IMPACT: variants seen among roughly 807,000 people sequenced by gnomAD.
The protein encoded by IMPACT is protein IMPACT.
Under a neutral mutation model 47.5 loss-of-function variants are expected in IMPACT, and 35 were observed. That is an observed-to-expected ratio of 0.74 (90% confidence interval 0.56 to 0.98). The LOEUF (loss-of-function observed/expected upper bound fraction) is 0.98. Among genes scored for constraint, IMPACT ranks in the 50% least tolerant of loss-of-function variants. IMPACT has a pLI of 0.00. For synonymous variants in IMPACT, 118 were observed against 125.6 expected (o/e 0.94, Z 0.40); for missense variants, 373 against 394.8 (o/e 0.94, Z 0.47).
At position 24,432,581 on chromosome 18, in the gene IMPACT, A is replaced by G. The variant is rs1908785060; in HGVS notation, c.281+2197A>G. 2.0e-5 allele frequency among the ~76,000 whole-genome samples: 3 copies of G among 152,312 alleles called. No homozygotes were observed. In the South Asian group the frequency reaches 6.2e-4, roughly 32 times the overall value. ...TTCCGTCATCCTTGGCGGAAGTATA[A>G]GTATTTCATTAATTAAATGTTTTCT... On this transcript the variant is annotated intron_variant, in intron 4 of 10. Transcript: ENST00000284202.
chr18:24,437,983 C>T lies in IMPACT; in HGVS notation c.310C>T (p.Leu104=). The part of the protein sequence containing the change: ...IQNIGESILY[L]WVEKIRDVLI... ...GAATATCGGTGAAAGTATTCTTTAC[C>T]TGTGGGTGGAGAAAATAAGAGATGT... Residue 104 remains leucine, a synonymous_variant, in exon 5 of 11, where the codon CTG becomes TTG. Transcript: ENST00000284202. 1.3e-6 allele frequency: 2 copies of T among 1,577,962 alleles called. 1 individual carries two copies. The highest frequency in any genetic ancestry group is 2.3e-5 in the South Asian group (2 of 86,362).
chr18:24,443,642 C>A (rs1263228947), intron 7 of IMPACT, among the ~76,000 whole-genome samples: 1 of 152,164 alleles, frequency 6.6e-6, no homozygotes, highest in African/African-American at 2.4e-5. Flanking sequence ...GAAACTAAGT[C>A]CATTCCTCTG....
intron 4 of IMPACT, among the ~76,000 whole-genome samples, chr18:24,433,945 A>G (rs1317043677): frequency 1.3e-5 from 2 of 152,116 alleles, no homozygotes; most frequent in East Asian, 1.9e-4. Context: ...TGCTGGGATT[A>G]CAGGCGTGAG....
intron 4 of IMPACT, among the ~76,000 whole-genome samples, chr18:24,433,576 A>G (rs1908821106): frequency 6.8e-6 from 1 of 146,290 alleles, no homozygotes; most frequent in South Asian, 2.2e-4. Flanking sequence ...GCCTCAAGTG[A>G]TCCTCCTGCC....
intron 9 of IMPACT, 140 bp from the exon 10 acceptor site, chr18:24,449,679 C>T (rs1909329598): frequency 3.1e-6 from 2 of 655,182 alleles, no homozygotes; most frequent in Non-Finnish European, 2.7e-6. Flanking sequence ...AGTGCCTACT[C>T]ACTCATATGG....
In IMPACT at chr18:24,449,889, G is replaced by T. The variant is rs542157006; in HGVS notation, c.830G>T (p.Arg277Leu). ...WYGGILLGPD[R>L]FKHINNCARN... ...GGAGGGATTCTGCTAGGACCAGATCGCTTTAAACATATCAACAACTGTGCC... is the reference window on the plus strand; with the variant it reads ...GGAGGGATTCTGCTAGGACCAGATCTCTTTAAACATATCAACAACTGTGCC... Residue 277 changes from arginine (R) to leucine (L), a missense_variant, in exon 10 of 11, where the codon CGC becomes CTC. Physicochemically the swap from Arg to Leu is moderately radical, Grantham distance 102. Transcript: ENST00000284202. 1.2e-6 allele frequency: 2 copies of T among 1,613,222 alleles called. No individual in the cohort carries two copies. The highest frequency in any genetic ancestry group is 4.5e-5 in the East Asian group (2 of 44,872).
intron 6 of IMPACT, among the ~76,000 whole-genome samples, chr18:24,442,592 T>G (rs1340946944): frequency 6.6e-6 from 1 of 152,254 alleles, no homozygotes; most frequent in East Asian, 1.9e-4. Context: ...AGGCATTATA[T>G]TATAGCTACA....
At chr18:24,434,763 C>CA (rs1189196177) in intron 4 of IMPACT, among the ~76,000 whole-genome samples, 7,224 of 45,086 alleles carry the variant, frequency 0.16, 691 homozygotes, top group East Asian at 0.29. Flanking sequence ...AACTCTGTCT[C>CA]AAAAAAAAAA....
rs760989083 is a variant in IMPACT at position 24,449,901 on chromosome 18, T to C, written c.842T>C (p.Ile281Thr). ...ILLGPDRFKH[I>T]NNCARNILVE... ...CTAGGACCAGATCGCTTTAAACATATCAACAACTGTGCCAGAAACATACTA... is the reference window on the plus strand; with the variant it reads ...CTAGGACCAGATCGCTTTAAACATACCAACAACTGTGCCAGAAACATACTA... The change falls in exon 10 of 11, where the codon ATC (isoleucine) becomes ACC (threonine). Residue 281 changes from isoleucine to threonine, a missense_variant. Ile to Thr is a moderately conservative substitution (Grantham distance 89). Coordinates refer to ENST00000284202, the MANE Select transcript of IMPACT (RefSeq NM_018439.4). 1.9e-6 allele frequency: 3 copies of C among 1,613,950 alleles called. No homozygotes were observed. The highest frequency in any genetic ancestry group is 1.3e-5 in the African/African-American group (1 of 75,030).
chr18:24,435,119 G>A (rs1908891112), intron 4 of IMPACT, among the ~76,000 whole-genome samples: 1 of 151,658 alleles, frequency 6.6e-6, no homozygotes, highest in African/African-American at 2.4e-5. Flanking sequence ...GTTTATAGGT[G>A]TGCCACCACT....
Position 24,453,063 on chromosome 18 carries a change from G to C in IMPACT, c.*2216G>C, listed in dbSNP as rs1255482534. ...ATTACAGGTGTGAGCCACCATGCCTGGCCTGCTTTGACATATTTTATAGTG... is the reference window on the plus strand; with the variant it reads ...ATTACAGGTGTGAGCCACCATGCCTCGCCTGCTTTGACATATTTTATAGTG... On this transcript the variant is annotated 3_prime_UTR_variant, in exon 11 of 11. Coordinates refer to ENST00000284202, the MANE Select transcript of IMPACT (RefSeq NM_018439.4). 3 of 152,110 alleles carry C rather than the reference G, an allele frequency of 2.0e-5. No individual in the cohort carries two copies. The highest frequency in any genetic ancestry group is 4.4e-5 in the Non-Finnish European group (3 of 68,028). The allele number at this position is 152,110 out of a possible 1,614,324, so 9.4% of individuals were successfully genotyped here. A position where few individuals can be genotyped will look rare whatever the true frequency, so the allele number is the denominator to read the frequency against.
intron 1 of IMPACT, 52 bp from the exon 2 acceptor site, chr18:24,427,867 G>A (rs1908653081): frequency 1.3e-6 from 2 of 1,522,494 alleles, no homozygotes; most frequent in African/African-American, 1.4e-5. Context: ...AGTAAGAATA[G>A]GATTTTAAGA....
Position 24,451,062 on chromosome 18 carries a change from C to A in IMPACT, c.*215C>A. On this transcript the variant is annotated 3_prime_UTR_variant, in exon 11 of 11. Transcript: ENST00000284202. ...TGTGTTTCAGGCTTATTTGGGAGAA[C>A]TAATTTGAACTTAATCACCACTTCA... 2.8e-6 allele frequency: 1 copy of A among 363,252 alleles called. No individual in the cohort carries two copies. The allele number at this position is 363,252 out of a possible 1,614,324, so 22.5% of individuals were successfully genotyped here.
In IMPACT at chr18:24,443,066, T is replaced by C; in HGVS notation, c.508T>C (p.Leu170=). The C allele has an allele frequency of 6.3e-7, 1 of 1,583,136 alleles. No homozygotes were observed. The highest frequency in any genetic ancestry group is 8.6e-7 in the Non-Finnish European group (1 of 1,158,110). ...ETRTEVEVEE[L]PPIDHGIPIT... ...ATTTCTAGAAGTAGAAGTAGAAGAA[T>C]TACCTCCGATTGATCATGGCATTCC... is the stretch of plus-strand genomic sequence containing the variant. The change falls in exon 7 of 11, where the codon TTA becomes CTA. Residue 170 remains leucine, a synonymous_variant. Coordinates refer to ENST00000284202, the MANE Select transcript of IMPACT (RefSeq NM_018439.4).
At position 24,426,692 on chromosome 18, in the gene IMPACT, G is replaced by A. The variant is rs1026147323; in HGVS notation, c.-65G>A. 28 of 1,182,214 alleles carry A rather than the reference G, an allele frequency of 2.4e-5. 1 individual carries two copies. In the Admixed American group the frequency reaches 8.1e-4, roughly 34 times the overall value. 73.2% of individuals were successfully genotyped at this position (1,182,214 alleles called of 1,614,324 possible). A position where few individuals can be genotyped will look rare whatever the true frequency, so the allele number is the denominator to read the frequency against. ...CGCAGCCAGCTCTCGGCTCGCAGCC[G>A]CAGCGCCCCGCCCCCGCGCTCCGGA... On this transcript the variant is annotated 5_prime_UTR_variant, in exon 1 of 11. Transcript: ENST00000284202.
Position 24,438,110 on chromosome 18 carries a change from T to C in IMPACT, c.367+70T>C, listed in dbSNP as rs577954102. The C allele has an allele frequency of 1.1e-5, 8 of 713,250 alleles. No homozygotes were observed. The East Asian group carries it at 2.2e-4, about 19-fold the overall frequency. The allele number at this position is 713,250 out of a possible 1,614,324, so 44.2% of individuals were successfully genotyped here. A position where few individuals can be genotyped will look rare whatever the true frequency, so the allele number is the denominator to read the frequency against. On this transcript the variant is annotated intron_variant, in intron 5 of 10. Transcript: ENST00000284202. The stretch of plus-strand genomic sequence containing the variant: ...CTACATTTTTATGTAGATACTCTAG[T>C]TGAAATTTAATGTGAAAATCTGTAT...
chr18:24,433,184 CTTTTTTT>C (rs35543338), intron 4 of IMPACT, among the ~76,000 whole-genome samples: 8 of 81,112 alleles, frequency 9.9e-5, no homozygotes, highest in East Asian at 8.9e-4. Flanking sequence ...ACTTTTAAAA[CTTTTTTT>C]TTTTTTTTTT....
chr18:24,431,087 G>A (rs192169550), intron 4 of IMPACT, among the ~76,000 whole-genome samples: 55 of 152,264 alleles, frequency 3.6e-4, no homozygotes, highest in African/African-American at 1.3e-3. Context: ...ATGGCAGTTA[G>A]AATTTATGGT....
intron 2 of IMPACT, among the ~76,000 whole-genome samples, chr18:24,428,443 A>C (rs985763758): frequency 6.6e-6 from 1 of 152,228 alleles, no homozygotes; most frequent in Admixed American, 6.5e-5. Context: ...TCAATGATCA[A>C]TGATCAGTTG....
Sources: gnomAD v4.1 joint callset for allele counts (sites outside exome capture counted in the v4.1 genomes callset) on GRCh38, gnomAD v4.1.1 for gene constraint, MANE v1.5 for transcripts, NCBI Gene and HGNC (gene_info 2026-07-23, HGNC 2026-07-21) for gene names.